The following RNPEP variants were observed in gnomAD, a reference collection of about 807,000 sequenced individuals.
RNPEP encodes aminopeptidase B.
A neutral mutation model predicts 70.1 loss-of-function variants in RNPEP; 57 were observed. The ratio of observed to expected loss-of-function variants is 0.81; its 90% confidence interval spans 0.66 to 1.01. The LOEUF (loss-of-function observed/expected upper bound fraction) is 1.01. RNPEP is among the 50% of genes least tolerant of loss of function. The pLI is 0.00. For missense variants in RNPEP, 787 were observed against 852.4 expected (o/e 0.92, Z 0.96); for synonymous variants, 335 against 357.4 (o/e 0.94, Z 0.71).
chr1:201,992,774 T>A, intron 3 of RNPEP, among the ~76,000 whole-genome samples: 1 of 152,162 alleles, frequency 6.6e-6, no homozygotes, highest in East Asian at 1.9e-4. Context: ...TTGGGAGATG[T>A]AGAAAATAGT....
intron 1 of RNPEP, among the ~76,000 whole-genome samples, chr1:201,987,227 T>A (rs1049303623): frequency 2.0e-5 from 3 of 152,040 alleles, no homozygotes; most frequent in Non-Finnish European, 4.4e-5. Context: ...TTTCCAGCCA[T>A]CTCAATCCTG....
chr1:201,982,741 G>T lies in RNPEP; in HGVS notation c.75G>T (p.Val25=). ...RPLHSAQAVD[V]ASASNFRAFE... ...TGCACTCCGCGCAGGCTGTGGACGT[G>T]GCCTCGGCCTCCAACTTCCGGGCCT... Residue 25 remains valine (V), a synonymous_variant, in exon 1 of 11, where the codon GTG becomes GTT. Coordinates refer to ENST00000295640, the MANE Select transcript of RNPEP (RefSeq NM_020216.4). 1 of 1,381,062 alleles carries T rather than the reference G, an allele frequency of 7.2e-7. No individual in the cohort carries two copies. The highest frequency in any genetic ancestry group is 9.4e-7 in the Non-Finnish European group (1 of 1,066,698). The allele number at this position is 1,381,062 out of a possible 1,614,324, so 85.6% of individuals were successfully genotyped here.
At chr1:201,989,646 C>T in intron 3 of RNPEP, 115 bp downstream of exon 3, 6 of 1,088,760 alleles carry the variant, frequency 5.5e-6, no homozygotes, top group Non-Finnish European at 8.0e-6. Context: ...CTGTCTGAGT[C>T]CAGAGCCTTT....
chr1:202,005,508 C>G, intron 10 of RNPEP, 50 bp from the exon 11 acceptor site: 1 of 1,602,374 alleles, frequency 6.2e-7, no homozygotes, highest in Non-Finnish European at 8.5e-7. Context: ...CAGGGCTGGA[C>G]AGATCCACCA....
intron 3 of RNPEP, among the ~76,000 whole-genome samples, chr1:201,991,180 T>C (rs1198373096): frequency 6.6e-6 from 1 of 152,136 alleles, no homozygotes; most frequent in African/African-American, 2.4e-5. Context: ...AGTGGCGCGA[T>C]CTTGGCTCAC....
chr1:201,999,834 T>A, intron 5 of RNPEP, 68 bp from the exon 6 acceptor site: 2 of 1,259,194 alleles, frequency 1.6e-6, no homozygotes, highest in Non-Finnish European at 2.3e-6. Flanking sequence ...ACAGTGTCTC[T>A]GTCAGGAAAA....
chr1:201,987,493 A>C (rs1252167057), intron 1 of RNPEP, among the ~76,000 whole-genome samples: 3 of 139,718 alleles, frequency 2.1e-5, no homozygotes, highest in Non-Finnish European at 4.5e-5. Flanking sequence ...GCTGGAGTGC[A>C]GTGGCATGAT....
chr1:201,983,774 G>T, intron 1 of RNPEP: 1 of 1,104,586 alleles, frequency 9.1e-7, no homozygotes. Context: ...TTTTTTTCGG[G>T]ACGGGGCAAA....
At position 201,983,121 on chromosome 1, in the gene RNPEP, C is replaced by T; in HGVS notation, c.447+8C>T. On this transcript the variant is annotated splice_region_variant and intron_variant, in intron 1 of 10. Transcript: ENST00000295640. Reference sequence around the variant, plus strand: ...GTCGGGGAGGGACCCGGGGTGAGTGCGCCCCAGACTGCGCCCGCCGCTGCC... The same window carrying T: ...GTCGGGGAGGGACCCGGGGTGAGTGTGCCCCAGACTGCGCCCGCCGCTGCC... 1 of 1,453,398 alleles carries T rather than the reference C, an allele frequency of 6.9e-7. No homozygotes were observed. Among genetic ancestry groups the T allele is most frequent in the Non-Finnish European group, 9.0e-7 (1 of 1,113,532 alleles). The allele number at this position is 1,453,398 out of a possible 1,614,324, so 90.0% of individuals were successfully genotyped here. A position where few individuals can be genotyped will look rare whatever the true frequency, so the allele number is the denominator to read the frequency against.
intron 1 of RNPEP, among the ~76,000 whole-genome samples, chr1:201,986,542 T>TC (rs1558259015): frequency 4.0e-5 from 6 of 151,218 alleles, no homozygotes; most frequent in African/African-American, 1.5e-4. Context: ...CTTTCTTTTT[T>TC]TTTTTTTTTT....
At chr1:201,989,084 A>AGGTCTATC in intron 2 of RNPEP, 40 bp downstream of exon 2, 1 of 1,585,636 alleles carries the variant, frequency 6.3e-7, no homozygotes, top group South Asian at 1.1e-5. Context: ...CCTTGGGATG[A>AGGTCTATC]AGAAATGATT....
At chr1:201,987,464 G>T (rs1386456497) in intron 1 of RNPEP, among the ~76,000 whole-genome samples, 1 of 127,468 alleles carries the variant, frequency 7.8e-6, no homozygotes, top group Non-Finnish European at 1.6e-5. Flanking sequence ...TTGAGGCAGA[G>T]TCTCGCTCTG....
rs200795347 is a variant in RNPEP, at chr1:201,984,821, C to CTTTTT, written c.447+1740_447+1744dup. ...TTACTGCTAACTTTTGTATTTCTTT[C>CTTTTT]TTTTTTTTTTTTTTTTTTTTTTTTT... On this transcript the variant is annotated intron_variant, in intron 1 of 10. Coordinates refer to ENST00000295640, the MANE Select transcript of RNPEP (RefSeq NM_020216.4). 5.5e-4 allele frequency among the ~76,000 whole-genome samples: 67 copies of CTTTTT among 121,968 alleles called. 4 individuals carry two copies. The highest frequency in any genetic ancestry group is 1.0e-3 in the South Asian group (4 of 3,970). The allele number at this position is 121,968 out of a possible 152,430, so 80.0% of individuals were successfully genotyped here. A position where few individuals can be genotyped will look rare whatever the true frequency, so the allele number is the denominator to read the frequency against.
At chr1:202,005,184 A>G (rs925855674) in intron 10 of RNPEP, among the ~76,000 whole-genome samples, 4 of 152,062 alleles carry the variant, frequency 2.6e-5, no homozygotes, top group African/African-American at 9.7e-5. Context: ...CTGCAGCTGG[A>G]CCGTATGCGG....
In RNPEP at chr1:201,989,435, G is replaced by T; in HGVS notation, c.641G>T (p.Gly214Val). 1 of 1,614,148 alleles carries T rather than the reference G, an allele frequency of 6.2e-7. No homozygotes were observed. Among genetic ancestry groups the T allele is most frequent in the Non-Finnish European group, 8.5e-7 (1 of 1,180,020 alleles). The change falls in exon 3 of 11, where the codon GGT becomes GTT. Residue 214 changes from glycine (G) to valine (V), a missense_variant. Gly to Val is a moderately radical substitution (Grantham distance 109). Coordinates refer to ENST00000295640, the MANE Select transcript of RNPEP (RefSeq NM_020216.4). ...VMSASTWEKR[G>V]PNKFFFQMCQ... ...AGTGCTAGCACCTGGGAGAAGAGAG[G>T]TCCAAATAAGTTCTTCTTCCAGATG...
chr1:201,992,019 TCTCC>T (rs145553703), intron 3 of RNPEP, among the ~76,000 whole-genome samples: 25 of 150,474 alleles, frequency 1.7e-4, no homozygotes, highest in Non-Finnish European at 2.7e-4. Context: ...CTTGTGCCTT[TCTCC>T]CTCCCTCCCT....
In RNPEP at chr1:201,982,999, C is replaced by T. The variant is rs1014641136; in HGVS notation, c.333C>T (p.Tyr111=). 2.6e-6 allele frequency: 4 copies of T among 1,521,492 alleles called. No homozygotes were observed. Among genetic ancestry groups the T allele is most frequent in the African/African-American group, 2.9e-5 (2 of 69,264 alleles). The allele number at this position is 1,521,492 out of a possible 1,614,324, so 94.2% of individuals were successfully genotyped here. ...CGCCTGCGGAGCCCGTGAGCTTCTA[C>T]ACGCAGCCCTTCTCGCACTATGGCC... The part of the protein sequence containing the change: ...EEPPAEPVSF[Y]TQPFSHYGQA... The change falls in exon 1 of 11, where the codon TAC becomes TAT. Residue 111 remains tyrosine (Y), a synonymous_variant. Coordinates refer to ENST00000295640, the MANE Select transcript of RNPEP (RefSeq NM_020216.4).
At chr1:201,985,963 A>G (rs1025311085) in intron 1 of RNPEP, among the ~76,000 whole-genome samples, 2 of 152,170 alleles carry the variant, frequency 1.3e-5, no homozygotes, top group South Asian at 2.1e-4. Context: ...TTGCTCTGTC[A>G]TCCAGGCCGT....
intron 1 of RNPEP, chr1:201,983,627 T>G (rs4950807): frequency 8.2e-7 from 1 of 1,215,812 alleles, no homozygotes; most frequent in South Asian, 1.5e-5. Context: ...GTTAAAGCTC[T>G]TATCTTTGTT....
Sources: gnomAD v4.1 joint callset for allele counts (sites outside exome capture counted in the v4.1 genomes callset) on GRCh38, gnomAD v4.1.1 for gene constraint, MANE v1.5 for transcripts, NCBI Gene and HGNC (gene_info 2026-07-23, HGNC 2026-07-21) for gene names.